RSBN1L: variants seen among roughly 807,000 people sequenced by gnomAD.
RSBN1L encodes the protein lysine-specific demethylase RSBN1L.
A neutral mutation model predicts 67.7 loss-of-function variants in RSBN1L; 30 were observed. The observed-to-expected ratio is 0.44, with a 90% CI of 0.33 to 0.60. The LOEUF (loss-of-function observed/expected upper bound fraction) is 0.60, where lower values mean the gene tolerates loss of function less well. RSBN1L is among the 20% of genes least tolerant of loss of function. The pLI is 0.02. For missense variants in RSBN1L, 992 were observed against 1,031.7 expected, an observed-to-expected ratio of 0.96 and a Z score of 0.53; for synonymous variants, 433 against 387.0, an observed-to-expected ratio of 1.12 and a Z score of -1.39.
chr7:77,713,285 AC>A (rs1202419934), intron 1 of RSBN1L, among the ~76,000 whole-genome samples: 1 of 151,908 alleles, frequency 6.6e-6, no homozygotes, highest in African/African-American at 2.4e-5. Flanking sequence ...GGTCTTTCAT[AC>A]AGAAGTTTTC....
At chr7:77,745,056 G>A (rs559802067) in intron 2 of RSBN1L, among the ~76,000 whole-genome samples, 17 of 152,232 alleles carry the variant, frequency 1.1e-4, no homozygotes, top group Middle Eastern at 3.4e-3. Context: ...GAGGTCAAGA[G>A]TTCAAGACCA....
chr7:77,762,501 T>C (rs1037707228), intron 3 of RSBN1L, among the ~76,000 whole-genome samples: 4 of 152,192 alleles, frequency 2.6e-5, no homozygotes, highest in Non-Finnish European at 5.9e-5. Context: ...GAAATTAATG[T>C]AAATGTATAA....
At chr7:77,757,215 C>T (rs534914144) in intron 3 of RSBN1L, among the ~76,000 whole-genome samples, 1 of 152,268 alleles carries the variant, frequency 6.6e-6, no homozygotes, top group Non-Finnish European at 1.5e-5. Context: ...TACATCTGTT[C>T]AACTTTATTA....
At chr7:77,712,956 T>C (rs1339203333) in intron 1 of RSBN1L, among the ~76,000 whole-genome samples, 1 of 152,236 alleles carries the variant, frequency 6.6e-6, no homozygotes, top group African/African-American at 2.4e-5. Context: ...AACAATTTGC[T>C]GTCTCACTTG....
intron 3 of RSBN1L, among the ~76,000 whole-genome samples, chr7:77,757,109 A>G (rs1173297562): frequency 6.6e-6 from 1 of 152,250 alleles, no homozygotes; most frequent in Non-Finnish European, 1.5e-5. Flanking sequence ...TGTAGAAACT[A>G]AAAGATGACA....
chr7:77,774,180 A>G (rs998129654), intron 6 of RSBN1L, among the ~76,000 whole-genome samples: 1 of 152,168 alleles, frequency 6.6e-6, no homozygotes, highest in Non-Finnish European at 1.5e-5. Flanking sequence ...TTCACTTTGA[A>G]TATTTTGACA....
chr7:77,737,462 A>C (rs1791352295), intron 2 of RSBN1L, among the ~76,000 whole-genome samples: 1 of 152,186 alleles, frequency 6.6e-6, no homozygotes, highest in African/African-American at 2.4e-5. Flanking sequence ...CTGTATTTTC[A>C]TTGCATTCTT....
At chr7:77,761,309 C>G (rs764748625) in intron 3 of RSBN1L, among the ~76,000 whole-genome samples, 1 of 152,080 alleles carries the variant, frequency 6.6e-6, no homozygotes, top group African/African-American at 2.4e-5. Context: ...AGAGTAGTTA[C>G]GATTGTGCCT....
chr7:77,731,880 C>G (rs1479770283), intron 1 of RSBN1L, among the ~76,000 whole-genome samples: 4 of 150,998 alleles, frequency 2.6e-5, no homozygotes, highest in Non-Finnish European at 4.4e-5. Context: ...TCCAGTTGTT[C>G]CAGTACCGTT....
intron 3 of RSBN1L, among the ~76,000 whole-genome samples, chr7:77,759,280 C>CTA (rs1791665666): frequency 1.3e-5 from 2 of 152,158 alleles, no homozygotes; most frequent in African/African-American, 2.4e-5. Flanking sequence ...AAGAACTGAT[C>CTA]TATACAAAAT....
intron 4 of RSBN1L, among the ~76,000 whole-genome samples, chr7:77,768,109 C>G (rs766129314): frequency 2.6e-5 from 4 of 151,740 alleles, no homozygotes; most frequent in Non-Finnish European, 4.4e-5. Flanking sequence ...CCCGCCTCGG[C>G]CTCCCAAAGT....
intron 2 of RSBN1L, among the ~76,000 whole-genome samples, chr7:77,736,981 A>T (rs1210683059): frequency 6.6e-6 from 1 of 152,112 alleles, no homozygotes; most frequent in Non-Finnish European, 1.5e-5. Flanking sequence ...CTAAATCAGA[A>T]GCGGTATGTT....
intron 1 of RSBN1L, among the ~76,000 whole-genome samples, chr7:77,719,789 A>G (rs191429965): frequency 3.9e-5 from 6 of 152,314 alleles, no homozygotes; most frequent in Admixed American, 1.3e-4. Context: ...TTTAGAGACA[A>G]GGTCTCACTC....
chr7:77,718,121 A>G (rs1020689823), intron 1 of RSBN1L, among the ~76,000 whole-genome samples: 8 of 152,196 alleles, frequency 5.3e-5, no homozygotes, highest in African/African-American at 1.4e-4. Flanking sequence ...AGTTGTGGGG[A>G]GAGAGAACAT....
At chr7:77,724,459 T>G (rs1310584820) in intron 1 of RSBN1L, among the ~76,000 whole-genome samples, 1 of 150,364 alleles carries the variant, frequency 6.7e-6, no homozygotes, top group African/African-American at 2.4e-5. Flanking sequence ...AGAGTCTCAC[T>G]CTGTTGTCCA....
intron 1 of RSBN1L, among the ~76,000 whole-genome samples, chr7:77,707,575 T>A (rs1790912165): frequency 6.6e-6 from 1 of 152,186 alleles, no homozygotes; most frequent in African/African-American, 2.4e-5. Context: ...ATTGGAGCAA[T>A]GTATAGAAAG....
At chr7:77,771,809 C>A (rs1791853460) in intron 5 of RSBN1L, among the ~76,000 whole-genome samples, 1 of 147,974 alleles carries the variant, frequency 6.8e-6, no homozygotes, top group South Asian at 2.1e-4. Context: ...TGTGCCCGGC[C>A]TCCTCAGTGA....
At chr7:77,725,790 A>G (rs1366792136) in intron 1 of RSBN1L, among the ~76,000 whole-genome samples, 1 of 151,426 alleles carries the variant, frequency 6.6e-6, no homozygotes, top group African/African-American at 2.4e-5. Flanking sequence ...GGGTTTCTCC[A>G]TGTTGGTCAG....
chr7:77,721,336 A>G (rs1361660299), intron 1 of RSBN1L, among the ~76,000 whole-genome samples: 2 of 151,706 alleles, frequency 1.3e-5, no homozygotes, highest in Non-Finnish European at 2.9e-5. Context: ...TGGAAACTTC[A>G]TTCACATTGA....
Sources: allele counts gnomAD v4.1 joint callset (sites outside exome capture counted in the v4.1 genomes callset), GRCh38; gene constraint gnomAD v4.1.1; transcripts MANE v1.5; gene names NCBI Gene and HGNC (gene_info 2026-07-23, HGNC 2026-07-21).